Variants in VWC2L observed in about 807,000 individuals in gnomAD.
VWC2L encodes von Willebrand factor C domain-containing protein 2-like.
In VWC2L, 10 loss-of-function variants were observed where a neutral mutation model predicts 21.6. The ratio of observed to expected loss-of-function variants is 0.46; its 90% CI spans 0.29 to 0.78. VWC2L has a LOEUF of 0.78. VWC2L is among the 30% of genes least tolerant of loss of function. The pLI, the probability that VWC2L is intolerant of heterozygous loss-of-function variation, is 0.10. For missense variants in VWC2L, 209 were observed against 277.1 expected (o/e 0.75, Z 1.74); for synonymous variants, 96 against 94.3 (o/e 1.02, Z -0.10).
intron 3 of VWC2L, among the ~76,000 whole-genome samples, chr2:214,536,564 T>C (rs1423894565): frequency 6.6e-6 from 1 of 152,122 alleles, no homozygotes; most frequent in Non-Finnish European, 1.5e-5. Context: ...AATGACTATT[T>C]GCCCTTATGC....
At chr2:214,479,674 G>C (rs554193773) in intron 3 of VWC2L, among the ~76,000 whole-genome samples, 1 of 152,036 alleles carries the variant, frequency 6.6e-6, no homozygotes, top group East Asian at 1.9e-4. Context: ...GTATGGTGGC[G>C]GGTGCCTGTA....
intron 3 of VWC2L, among the ~76,000 whole-genome samples, chr2:214,471,248 A>G (rs1254997411): frequency 6.6e-6 from 1 of 152,152 alleles, no homozygotes; most frequent in East Asian, 1.9e-4. Flanking sequence ...GAGATTGCAG[A>G]CCCCTTACAT....
chr2:214,555,082 G>T (rs189337283), intron 3 of VWC2L, among the ~76,000 whole-genome samples: 1 of 152,134 alleles, frequency 6.6e-6, no homozygotes, highest in Non-Finnish European at 1.5e-5. Context: ...AAGAACCTTG[G>T]CTTCCACAAG....
Position 214,575,835 on chromosome 2 carries a change from C to T in VWC2L, c.*15C>T. On this transcript the variant is annotated 3_prime_UTR_variant, in exon 4 of 4. Coordinates refer to ENST00000312504, the MANE Select transcript of VWC2L (RefSeq NM_001080500.4). ...AGACTGTGTAGGACAAACTTCCACCCAATGATGAGTTCTTAGGAAAGGATG... is the reference window on the plus strand; with the variant it reads ...AGACTGTGTAGGACAAACTTCCACCTAATGATGAGTTCTTAGGAAAGGATG... The T allele has an allele frequency of 1.2e-6, 2 of 1,607,402 alleles. No homozygotes were observed. Among genetic ancestry groups the T allele is most frequent in the Non-Finnish European group, 1.7e-6 (2 of 1,175,134 alleles).
chr2:214,538,176 C>G (rs764200401), intron 3 of VWC2L, among the ~76,000 whole-genome samples: 5 of 152,030 alleles, frequency 3.3e-5, no homozygotes, highest in Non-Finnish European at 7.4e-5. Context: ...GACTGAGAGA[C>G]AGACTGAGCA....
At chr2:214,531,600 C>G (rs1457256779) in intron 3 of VWC2L, among the ~76,000 whole-genome samples, 1 of 152,042 alleles carries the variant, frequency 6.6e-6, no homozygotes, top group Non-Finnish European at 1.5e-5. Context: ...CAAGCAAGGC[C>G]ATTTCTTAAG....
intron 2 of VWC2L, among the ~76,000 whole-genome samples, chr2:214,430,462 G>A (rs769833422): frequency 6.6e-6 from 1 of 152,088 alleles, no homozygotes; most frequent in African/African-American, 2.4e-5. Context: ...TGGAGTAGGA[G>A]AGATATATAG....
intron 3 of VWC2L, among the ~76,000 whole-genome samples, chr2:214,560,723 A>G (rs1574636926): frequency 6.6e-6 from 1 of 152,254 alleles, no homozygotes; most frequent in East Asian, 1.9e-4. Flanking sequence ...TTTTTCAGTA[A>G]GTGAGGTCAT....
intron 2 of VWC2L, among the ~76,000 whole-genome samples, chr2:214,423,960 T>A (rs914733331): frequency 6.6e-6 from 1 of 151,716 alleles, no homozygotes; most frequent in African/African-American, 2.4e-5. Flanking sequence ...AGGAATGGAG[T>A]ATGCAAAATA....
chr2:214,537,552 G>A (rs1328195124), intron 3 of VWC2L, among the ~76,000 whole-genome samples: 4 of 152,048 alleles, frequency 2.6e-5, no homozygotes, highest in African/African-American at 9.7e-5. Context: ...GGTTACTAGA[G>A]GCTGGGGATG....
chr2:214,498,926 A>T (rs529276160), intron 3 of VWC2L, among the ~76,000 whole-genome samples: 1 of 151,498 alleles, frequency 6.6e-6, no homozygotes, highest in East Asian at 1.9e-4. Context: ...GCCTAAGAAA[A>T]ATTAGGGACT....
At chr2:214,563,644 T>C (rs1271837485) in intron 3 of VWC2L, among the ~76,000 whole-genome samples, 2 of 150,036 alleles carry the variant, frequency 1.3e-5, no homozygotes, top group Admixed American at 6.7e-5. Flanking sequence ...TTAACATCCC[T>C]TCATGTTAAA....
chr2:214,460,403 C>T (rs7599588), intron 3 of VWC2L, among the ~76,000 whole-genome samples: 97,483 of 151,858 alleles, frequency 0.64, 32,888 homozygotes, highest in African/African-American at 0.86. Context: ...ATTTGACTAT[C>T]TGGTTGCTTT....
intron 3 of VWC2L, among the ~76,000 whole-genome samples, chr2:214,453,113 T>C (rs1703000799): frequency 6.6e-6 from 1 of 152,226 alleles, no homozygotes; most frequent in Non-Finnish European, 1.5e-5. Flanking sequence ...AATTGTGCTT[T>C]TGGTTGTAAC....
chr2:214,418,756 T>C (rs1702392596), intron 2 of VWC2L, among the ~76,000 whole-genome samples: 1 of 150,896 alleles, frequency 6.6e-6, no homozygotes, highest in Non-Finnish European at 1.5e-5. Context: ...GTTTATGTGT[T>C]GATCTCTTCA....
In VWC2L at chr2:214,576,022, T is replaced by C. The variant is rs1344586372; in HGVS notation, c.*202T>C. 4 of 375,430 alleles carry C rather than the reference T, an allele frequency of 1.1e-5. No individual in the cohort carries two copies. Among genetic ancestry groups the C allele is most frequent in the East Asian group, 4.4e-5 (1 of 22,862 alleles). 23.3% of individuals were successfully genotyped at this position (375,430 alleles called of 1,614,324 possible). A position where few individuals can be genotyped will look rare whatever the true frequency, so the allele number is the denominator to read the frequency against. On this transcript the variant is annotated 3_prime_UTR_variant, in exon 4 of 4. Coordinates refer to ENST00000312504, the MANE Select transcript of VWC2L (RefSeq NM_001080500.4). ...TGCTATATAAAATATATATAGTATATAGCTATCTAAATCGCTTTTGTATTT... is the reference window on the plus strand; with the variant it reads ...TGCTATATAAAATATATATAGTATACAGCTATCTAAATCGCTTTTGTATTT...
At chr2:214,534,507 A>T (rs1263091693) in intron 3 of VWC2L, among the ~76,000 whole-genome samples, 1 of 152,106 alleles carries the variant, frequency 6.6e-6, no homozygotes, top group African/African-American at 2.4e-5. Flanking sequence ...CATTGGTGGG[A>T]GATACAGAAA....
At chr2:214,452,986 A>T (rs1192897103) in intron 3 of VWC2L, among the ~76,000 whole-genome samples, 1 of 152,154 alleles carries the variant, frequency 6.6e-6, no homozygotes, top group Non-Finnish European at 1.5e-5. Flanking sequence ...CCTTTATGAG[A>T]CATATGCTTT....
At chr2:214,482,648 A>AATAT (rs199718570) in intron 3 of VWC2L, among the ~76,000 whole-genome samples, 10 of 147,652 alleles carry the variant, frequency 6.8e-5, no homozygotes, top group African/African-American at 2.2e-4. Context: ...TTAATAAATA[A>AATAT]ATATATATAT....
Sources: gnomAD v4.1 joint callset for allele counts (sites outside exome capture counted in the v4.1 genomes callset) on GRCh38, gnomAD v4.1.1 for gene constraint, MANE v1.5 for transcripts, NCBI Gene and HGNC (gene_info 2026-07-23, HGNC 2026-07-21) for gene names.